The following POLA1 variants were observed in gnomAD, a reference collection of about 807,000 sequenced individuals.
The protein encoded by POLA1 is DNA polymerase alpha 1, catalytic subunit, also known as DNA polymerase alpha catalytic subunit.
Under a neutral mutation model 124.0 loss-of-function variants are expected in POLA1, and 15 were observed. The observed-to-expected ratio is 0.12, with a 90% CI of 0.08 to 0.19. POLA1 has a LOEUF of 0.19. Ranked by LOEUF, POLA1 falls within the 10% of genes least tolerant of loss-of-function variation. The probability of loss-of-function intolerance (pLI) is 1.00; values close to 1 mark genes in which losing one functional copy is unlikely to be tolerated. For missense variants in POLA1, 886 were observed against 1,103.4 expected (o/e 0.80, Z 2.79); for synonymous variants, 408 against 389.4 (o/e 1.05, Z -0.56).
chrX:24,705,222 T>C (rs775452636), intron 4 of POLA1, among the ~76,000 whole-genome samples: 1 of 111,765 alleles, frequency 8.9e-6, no homozygotes, highest in Non-Finnish European at 1.9e-5. Flanking sequence ...CCACAATCAA[T>C]TTTAGAACAT....
chrX:24,820,896 A>G (rs776793988), intron 30 of POLA1, among the ~76,000 whole-genome samples: 1 of 112,092 alleles, frequency 8.9e-6, no homozygotes, highest in South Asian at 3.7e-4. Flanking sequence ...AAGCATCGTT[A>G]GGAACACTGT....
intron 36 of POLA1, among the ~76,000 whole-genome samples, chrX:24,981,447 A>G (rs988696324): frequency 2.7e-4 from 30 of 112,458 alleles, no homozygotes; most frequent in East Asian, 1.1e-3. Context: ...AAAGCTCCCA[A>G]TGCCGTCATC....
chrX:24,735,357 C>A (rs1414293189), intron 17 of POLA1, 42 bp from the exon 18 acceptor site: 2 of 812,323 alleles, frequency 2.5e-6, no homozygotes, highest in Non-Finnish European at 3.8e-6. Flanking sequence ...TACTTGCGGA[C>A]AGTAAAGAGT....
At chrX:24,807,763 GGAGA>G (rs1268664605) in intron 26 of POLA1, among the ~76,000 whole-genome samples, 1 of 111,287 alleles carries the variant, frequency 9.0e-6, no homozygotes, top group Non-Finnish European at 1.9e-5. Context: ...ACAGATGAGA[GGAGA>G]GAGACAGGTA....
At chrX:24,713,726 T>C (rs1929634363) in intron 4 of POLA1, among the ~76,000 whole-genome samples, 1 of 112,834 alleles carries the variant, frequency 8.9e-6, no homozygotes, top group Admixed American at 9.3e-5. Flanking sequence ...GCAAAAGTTG[T>C]TCTTTAATGA....
At chrX:24,856,418 C>T (rs143746952) in intron 34 of POLA1, among the ~76,000 whole-genome samples, 26 of 111,987 alleles carry the variant, frequency 2.3e-4, no homozygotes, top group African/African-American at 7.5e-4. Flanking sequence ...GGATTGTTTC[C>T]AGTCTGGGGA....
intron 34 of POLA1, among the ~76,000 whole-genome samples, chrX:24,855,313 A>G (rs1167966723): frequency 9.0e-6 from 1 of 111,420 alleles, no homozygotes; most frequent in Non-Finnish European, 1.9e-5. Flanking sequence ...AGTACAATTC[A>G]CTCTGGTTTA....
intron 35 of POLA1, among the ~76,000 whole-genome samples, chrX:24,924,436 A>C (rs957281520): frequency 8.9e-6 from 1 of 111,827 alleles, no homozygotes; most frequent in African/African-American, 3.3e-5. Flanking sequence ...CCAGTCTTCC[A>C]TGGGGATATA....
intron 36 of POLA1, among the ~76,000 whole-genome samples, chrX:24,943,656 G>A (rs185441789): frequency 5.3e-5 from 6 of 112,469 alleles, no homozygotes; most frequent in African/African-American, 1.6e-4. Context: ...CAAATAAGCC[G>A]CAGTAAATTT....
chrX:24,703,143 C>A, intron 2 of POLA1, 108 bp from the exon 3 acceptor site: 1 of 520,413 alleles, frequency 1.9e-6, no homozygotes, highest in Non-Finnish European at 3.2e-6. Context: ...TGCAGCTACT[C>A]CTTCAGTCTG....
chrX:24,867,930 C>A (rs988540218), intron 34 of POLA1, among the ~76,000 whole-genome samples: 3 of 111,637 alleles, frequency 2.7e-5, no homozygotes, highest in African/African-American at 9.8e-5. Context: ...AATGATGATA[C>A]CTTGTTAGTA....
chrX:24,722,160 G>A (rs899971607), intron 10 of POLA1, among the ~76,000 whole-genome samples: 1 of 111,966 alleles, frequency 8.9e-6, no homozygotes, highest in African/African-American at 3.2e-5. Context: ...AGTAGCCTTT[G>A]CATGTACCAG....
chrX:24,768,051 T>G (rs1932949616), intron 26 of POLA1, among the ~76,000 whole-genome samples: 1 of 112,448 alleles, frequency 8.9e-6, no homozygotes, highest in Admixed American at 9.4e-5. Flanking sequence ...GCCTGTGTTT[T>G]TGAGTATTTG....
chrX:24,870,991 C>T (rs1010259252), intron 34 of POLA1, among the ~76,000 whole-genome samples: 3 of 111,658 alleles, frequency 2.7e-5, no homozygotes, highest in Admixed American at 9.5e-5. Context: ...TATTAAAATC[C>T]GTAGCAACCA....
intron 2 of POLA1, among the ~76,000 whole-genome samples, chrX:24,700,119 G>A (rs1275317860): frequency 1.9e-5 from 2 of 106,955 alleles, no homozygotes; most frequent in East Asian, 5.9e-4. Flanking sequence ...CACCTTCAGG[G>A]CTTCCTGAGT....
chrX:24,913,724 CA>C (rs757167001), intron 35 of POLA1, among the ~76,000 whole-genome samples: 2 of 88,157 alleles, frequency 2.3e-5, no homozygotes, highest in Admixed American at 1.3e-4. Context: ...CAAAAAAAAA[CA>C]AAAAAAAAAC....
At chrX:24,857,799 G>C (rs1422242894) in intron 34 of POLA1, among the ~76,000 whole-genome samples, 1 of 111,148 alleles carries the variant, frequency 9.0e-6, no homozygotes, top group Non-Finnish European at 1.9e-5. Flanking sequence ...TAAAATACCA[G>C]CTTTTGTATT....
chrX:24,949,350 A>G (rs182757957), intron 36 of POLA1, among the ~76,000 whole-genome samples: 139 of 111,822 alleles, frequency 1.2e-3, no homozygotes, highest in Middle Eastern at 4.6e-3. Context: ...CAGTAGGTCA[A>G]CATTCCTGAA....
chrX:24,983,396 CT>C (rs1340916836), intron 36 of POLA1, among the ~76,000 whole-genome samples: 1 of 112,621 alleles, frequency 8.9e-6, no homozygotes, highest in Non-Finnish European at 1.9e-5. Context: ...CTTTCTTCAT[CT>C]CTACCCTATC....
Sources: gnomAD v4.1 joint callset for allele counts (sites outside exome capture counted in the v4.1 genomes callset) on GRCh38, gnomAD v4.1.1 for gene constraint, MANE v1.5 for transcripts, NCBI Gene and HGNC (gene_info 2026-07-23, HGNC 2026-07-21) for gene names.